RASGRP3: variants seen among roughly 807,000 people sequenced by gnomAD.
RASGRP3 encodes the protein RAS guanyl releasing protein 3.
In RASGRP3, 54 loss-of-function variants were observed where a neutral mutation model predicts 82.7. The observed-to-expected ratio is 0.65, with a 90% CI of 0.52 to 0.82. The LOEUF (loss-of-function observed/expected upper bound fraction) is 0.82. RASGRP3 is among the 40% of genes least tolerant of loss of function. The pLI is 0.00. For synonymous variants in RASGRP3, 309 were observed against 300.5 expected, an observed-to-expected ratio of 1.03 and a Z score of -0.29; for missense variants, 861 against 828.9, an observed-to-expected ratio of 1.04 and a Z score of -0.48.
intron 1 of RASGRP3, among the ~76,000 whole-genome samples, chr2:33,508,669 A>T (rs757881967): frequency 4.6e-5 from 7 of 152,220 alleles, no homozygotes; most frequent in Non-Finnish European, 1.0e-4. Flanking sequence ...CGAGAGGAGA[A>T]AATGTACAAA....
intron 14 of RASGRP3, among the ~76,000 whole-genome samples, chr2:33,554,812 G>A (rs77380537): frequency 0.019 from 2,859 of 152,204 alleles, 80 homozygotes; most frequent in African/African-American, 0.066. Flanking sequence ...AGTCTGTCTG[G>A]AGAGCGAAGA....
intron 1 of RASGRP3, among the ~76,000 whole-genome samples, chr2:33,495,630 G>A (rs1236634862): frequency 6.6e-6 from 1 of 152,220 alleles, no homozygotes; most frequent in East Asian, 1.9e-4. Flanking sequence ...GGTGCCTCAT[G>A]CTTGTAATCC....
At chr2:33,467,392 A>G (rs1558409114) in intron 2 of RASGRP3, among the ~76,000 whole-genome samples, 1 of 152,224 alleles carries the variant, frequency 6.6e-6, no homozygotes, top group Non-Finnish European at 1.5e-5. Context: ...TGGCCCACAC[A>G]TAGTTCAAAG....
chr2:33,496,077 T>C (rs1240786649), intron 1 of RASGRP3, among the ~76,000 whole-genome samples: 2 of 152,232 alleles, frequency 1.3e-5, no homozygotes, highest in African/African-American at 4.8e-5. Context: ...CAATCCTGTA[T>C]GGCCCTAACA....
At chr2:33,471,995 C>T (rs1015370648), upstream of RASGRP3, among the ~76,000 whole-genome samples, 1 of 152,016 alleles carries the variant, frequency 6.6e-6, no homozygotes, top group Non-Finnish European at 1.5e-5. Context: ...AGTGTGATCA[C>T]AGAATATGGC....
intron 2 of RASGRP3, among the ~76,000 whole-genome samples, chr2:33,466,601 C>T (rs1308882100): frequency 1.3e-5 from 2 of 151,654 alleles, no homozygotes; most frequent in Non-Finnish European, 2.9e-5. Context: ...ATCACTTGAA[C>T]CTGGGAGGTG....
At chr2:33,504,785 C>T (rs1351929615) in intron 1 of RASGRP3, among the ~76,000 whole-genome samples, 2 of 150,798 alleles carry the variant, frequency 1.3e-5, no homozygotes, top group African/African-American at 4.9e-5. Context: ...TAGATTCTGT[C>T]CTTGGAGATT....
At chr2:33,510,086 G>C (rs1670790771) in intron 1 of RASGRP3, among the ~76,000 whole-genome samples, 1 of 152,166 alleles carries the variant, frequency 6.6e-6, no homozygotes, top group Non-Finnish European at 1.5e-5. Context: ...ATTCATGAAG[G>C]ATTAGTCATT....
At chr2:33,456,654 T>G (rs1666051528) in intron 2 of RASGRP3, among the ~76,000 whole-genome samples, 1 of 152,206 alleles carries the variant, frequency 6.6e-6, no homozygotes, top group African/African-American at 2.4e-5. Flanking sequence ...CACACATATT[T>G]AAAGTACACA....
chr2:33,458,914 G>A (rs1168130780), intron 2 of RASGRP3, among the ~76,000 whole-genome samples: 1 of 152,040 alleles, frequency 6.6e-6, no homozygotes, highest in Admixed American at 6.6e-5. Context: ...CAGATAATAA[G>A]GACTAACTGG....
chr2:33,532,319 A>C (rs1159646147), intron 10 of RASGRP3: 1 of 152,220 alleles, frequency 6.6e-6, no homozygotes, highest in Non-Finnish European at 1.5e-5. Flanking sequence ...GCAATTTGTC[A>C]TCACTGAGCA....
rs537266732 is a variant in RASGRP3, at chr2:33,506,292, C to T, written c.-260-5418C>T. On this transcript the variant is annotated intron_variant, in intron 1 of 17. Transcript: ENST00000403687. ...AACTGATCTAATGGGCAGGCCTTAA[C>T]AACAGCTAAAATTTTTGTGGGTAGT... 2.0e-5 allele frequency among the ~76,000 whole-genome samples: 3 copies of T among 152,352 alleles called. No individual in the cohort carries two copies. The East Asian group carries it at 5.8e-4, about 29-fold the overall frequency.
At chr2:33,517,688 G>T (rs767437417) in intron 4 of RASGRP3, among the ~76,000 whole-genome samples, 44 of 152,144 alleles carry the variant, frequency 2.9e-4, no homozygotes, top group Non-Finnish European at 5.0e-4. Context: ...CCACTGTTGA[G>T]GTGTAGAAAA....
At chr2:33,562,608 C>G in intron 17 of RASGRP3, 121 bp from the exon 18 acceptor site, 1 of 1,107,624 alleles carries the variant, frequency 9.0e-7, no homozygotes, top group Non-Finnish European at 1.3e-6. Context: ...AATCCTGAGA[C>G]TACAAGGTAC....
chr2:33,537,061 A>G (rs575940030), intron 11 of RASGRP3, among the ~76,000 whole-genome samples: 43 of 152,140 alleles, frequency 2.8e-4, no homozygotes, highest in African/African-American at 9.9e-4. Context: ...GGTCACATGG[A>G]CTTGAAGGAT....
At chr2:33,537,077 A>G (rs982906198) in intron 11 of RASGRP3, among the ~76,000 whole-genome samples, 1 of 152,034 alleles carries the variant, frequency 6.6e-6, no homozygotes, top group Non-Finnish European at 1.5e-5. Context: ...AGGATGGTGA[A>G]GGCAGAGGTT....
rs1397559121 is a variant in RASGRP3, at chr2:33,549,621, A to T, written c.1412A>T (p.Lys471Ile). 1.2e-6 allele frequency: 2 copies of T among 1,613,210 alleles called. No homozygotes were observed. Among genetic ancestry groups the T allele is most frequent in the Non-Finnish European group, 1.7e-6 (2 of 1,179,402 alleles). The change falls in exon 14 of 18, where the codon AAA becomes ATA. Residue 471 changes from lysine to isoleucine, a missense_variant. Lys to Ile is a moderately radical substitution (Grantham distance 102, BLOSUM62 -3). Coordinates refer to ENST00000403687, the MANE Select transcript of RASGRP3 (RefSeq NM_001139488.2). ...CTTAACAGGGATGGCCTAATTAGTA[A>T]AGATGAAATGATGGCTTACTTCCTG... The part of the protein sequence containing the change: ...LDKDQDGLIS[K>I]DEMMAYFLRA...
intron 1 of RASGRP3, among the ~76,000 whole-genome samples, chr2:33,443,533 A>G (rs1057041778): frequency 8.5e-5 from 13 of 152,116 alleles, no homozygotes; most frequent in Admixed American, 2.6e-4. Flanking sequence ...ATTCGGCAGC[A>G]GCTCTGACTT....
intron 2 of RASGRP3, among the ~76,000 whole-genome samples, chr2:33,453,680 A>G (rs992499608): frequency 2.0e-5 from 3 of 152,230 alleles, no homozygotes; most frequent in Admixed American, 2.0e-4. Flanking sequence ...ACTCAGGGTC[A>G]GTCCTGATTC....
Sources: allele counts gnomAD v4.1 joint callset (sites outside exome capture counted in the v4.1 genomes callset), GRCh38; gene constraint gnomAD v4.1.1; transcripts MANE v1.5; gene names NCBI Gene and HGNC (gene_info 2026-07-23, HGNC 2026-07-21).